The following DDX17 variants were observed in gnomAD, a reference collection of about 807,000 sequenced individuals.
DDX17 encodes the protein probable ATP-dependent RNA helicase DDX17.
Under a neutral mutation model 80.8 loss-of-function variants are expected in DDX17, and 10 were observed. The observed-to-expected ratio is 0.12, with a 90% CI of 0.08 to 0.21. The LOEUF is 0.21. DDX17 is among the 10% of genes least tolerant of loss of function. The probability of loss-of-function intolerance (pLI) is 1.00; values close to 1 mark genes in which losing one functional copy is unlikely to be tolerated. For missense variants in DDX17, 586 were observed against 957.4 expected, an observed-to-expected ratio of 0.61 and a Z score of 5.12; for synonymous variants, 339 against 336.2, an observed-to-expected ratio of 1.01 and a Z score of -0.09.
At chr22:38,499,280 A>G in intron 3 of DDX17, 120 bp downstream of exon 3, 1 of 744,416 alleles carries the variant, frequency 1.3e-6, no homozygotes, top group African/African-American at 1.7e-5. Context: ...ATGACCATAA[A>G]AACAATCTCT....
rs1216059272 is a variant in DDX17 at position 38,494,402 on chromosome 22, T to C, written c.1214+228A>G. 4.8e-6 allele frequency: 3 copies of C among 618,828 alleles called. No individual in the cohort carries two copies. In the African/African-American group the frequency reaches 5.6e-5, roughly 11 times the overall value. 38.3% of individuals were successfully genotyped at this position (618,828 alleles called of 1,614,324 possible). Reference sequence around the variant, plus strand: ...ACCAAGACACAAAATTGTGCAAAATTATACAGCTTGTAATCAGCAGAGCTA... The same window carrying C: ...ACCAAGACACAAAATTGTGCAAAATCATACAGCTTGTAATCAGCAGAGCTA... On this transcript the variant is annotated intron_variant, in intron 8 of 12. Coordinates refer to ENST00000403230, the MANE Select transcript of DDX17 (RefSeq NM_006386.5).
chr22:38,494,583 A>G (rs2145697033), intron 8 of DDX17, 47 bp downstream of exon 8: 1 of 1,581,478 alleles, frequency 6.3e-7, no homozygotes, highest in Non-Finnish European at 8.7e-7. Flanking sequence ...GGGTTATTAG[A>G]AAAGGTTTAT....
chr22:38,495,932 T>C lies in DDX17; in HGVS notation c.744A>G (p.Leu248=), dbSNP rs777158674. 3 of 1,542,388 alleles carry C rather than the reference T, an allele frequency of 1.9e-6. No homozygotes were observed. Among genetic ancestry groups the C allele is most frequent in the African/African-American group, 3.0e-5 (2 of 65,776 alleles). ...CAAGCTCTCTGGTAGGAGCCAGAACTAGACACTGAAACCAACAAAAAGACA... is the reference window on the plus strand; with the variant it reads ...CAAGCTCTCTGGTAGGAGCCAGAACCAGACACTGAAACCAACAAAAAGACA... The change falls in exon 6 of 13, where the codon CTA becomes CTG. Residue 248 remains leucine (L), a synonymous_variant. Transcript: ENST00000403230.
chr22:38,498,774 C>T (rs987130770), intron 3 of DDX17, among the ~76,000 whole-genome samples: 1 of 152,180 alleles, frequency 6.6e-6, no homozygotes, highest in African/African-American at 2.4e-5. Context: ...CCTGTAATCC[C>T]ATCACTTTGG....
rs2089883988 is a variant in DDX17, at chr22:38,506,288, T to C, written c.-51A>G. ...TGCCGCGGTTTAGGCGTCTCCTTCC[T>C]TCCCAGCGACTGCACAAAATGGCGG... On this transcript the variant is annotated 5_prime_UTR_variant, in exon 1 of 13. Coordinates refer to ENST00000403230, the MANE Select transcript of DDX17 (RefSeq NM_006386.5). 6.6e-7 allele frequency: 1 copy of C among 1,510,240 alleles called. No homozygotes were observed. The highest frequency in any genetic ancestry group is 1.7e-4 in the Middle Eastern group (1 of 5,740). The allele number at this position is 1,510,240 out of a possible 1,614,324, so 93.6% of individuals were successfully genotyped here. A position where few individuals can be genotyped will look rare whatever the true frequency, so the allele number is the denominator to read the frequency against.
chr22:38,493,931 T>C (rs2089736847), intron 9 of DDX17, 90 bp downstream of exon 9: 4 of 1,240,550 alleles, frequency 3.2e-6, no homozygotes, highest in African/African-American at 1.5e-5. Context: ...ATAGGCATTA[T>C]TGAAATATTA....
At chr22:38,488,539 G>A in intron 11 of DDX17, 1 of 1,002,760 alleles carries the variant, frequency 1.0e-6, no homozygotes, top group Non-Finnish European at 1.2e-6. Flanking sequence ...TCTGTTGGGA[G>A]AAGCCTGGCA....
chr22:38,483,602 T>G lies in DDX17; in HGVS notation c.*2333A>C, dbSNP rs2089623272. The G allele has an allele frequency of 6.6e-6, 1 of 152,230 alleles. No individual in the cohort carries two copies. The highest frequency in any genetic ancestry group is 2.4e-5 in the African/African-American group (1 of 41,238). 9.4% of individuals were successfully genotyped at this position (152,230 alleles called of 1,614,324 possible). On this transcript the variant is annotated 3_prime_UTR_variant, in exon 13 of 13. Transcript: ENST00000403230. ...AGTCTTAATGCAACAGGAATGTGTC[T>G]GGAGACCAGCAAGAACATCAATAGA...
At chr22:38,499,809 C>G (rs2089809130) in intron 2 of DDX17, among the ~76,000 whole-genome samples, 1 of 152,138 alleles carries the variant, frequency 6.6e-6, no homozygotes. Context: ...ATTACACTTT[C>G]TTCTGAAAGA....
chr22:38,501,898 G>A (rs1304367418), intron 1 of DDX17, among the ~76,000 whole-genome samples: 4 of 152,180 alleles, frequency 2.6e-5, no homozygotes, highest in Admixed American at 2.0e-4. Context: ...CAGACATGCA[G>A]GCAAAGGATG....
chr22:38,504,987 C>A (rs1056810224), intron 1 of DDX17, among the ~76,000 whole-genome samples: 2 of 152,220 alleles, frequency 1.3e-5, no homozygotes, highest in African/African-American at 2.4e-5. Flanking sequence ...CGGCTCACTG[C>A]AACCTCCTCC....
Position 38,493,413 on chromosome 22 carries a change from C to T in DDX17, c.1387+297G>A, listed in dbSNP as rs1463408146. 2 of 280,136 alleles carry T rather than the reference C, an allele frequency of 7.1e-6. 1 individual carries two copies. The highest frequency in any genetic ancestry group is 1.3e-5 in the Non-Finnish European group (2 of 149,458). The allele number at this position is 280,136 out of a possible 1,614,324, so 17.4% of individuals were successfully genotyped here. On this transcript the variant is annotated intron_variant, in intron 10 of 12. Transcript: ENST00000403230. ...TGTTGCCCAGACCGGTCTTGAACTC[C>T]TGGGCCTAGGTGATCCACGCGCCTC...
rs745873535 is a variant in DDX17 at position 38,486,134 on chromosome 22, C to A, written c.1991G>T (p.Ser664Ile). 1.2e-6 allele frequency: 2 copies of A among 1,614,186 alleles called. No individual in the cohort carries two copies. The highest frequency in any genetic ancestry group is 3.3e-5 in the Admixed American group (2 of 60,018). ...TGAACTTCTCCCAGTTGAGGTGGTG[C>A]TACTAGCTCCATAAGTGCCAGCACC... The change falls in exon 13 of 13, where the codon AGC becomes ATC. Residue 664 changes from serine (S) to isoleucine (I), a missense_variant. By Grantham distance (142) the Ser-to-Ile change is moderately radical (BLOSUM62 -2). This residue lies in a region of DDX17 where 221 missense variants were observed against 261.4 expected (regional missense o/e 0.85). Coordinates refer to ENST00000403230, the MANE Select transcript of DDX17 (RefSeq NM_006386.5).
chr22:38,495,593 A>C (rs766305571), intron 6 of DDX17, among the ~76,000 whole-genome samples: 2 of 152,180 alleles, frequency 1.3e-5, no homozygotes, highest in Non-Finnish European at 2.9e-5. Flanking sequence ...GTCAGGACTT[A>C]TGTACAATCA....
In DDX17 at chr22:38,501,263, C is replaced by T; in HGVS notation, c.305G>A (p.Gly102Asp). The T allele has an allele frequency of 1.2e-6, 2 of 1,610,006 alleles. No homozygotes were observed. Among genetic ancestry groups the T allele is most frequent in the Non-Finnish European group, 8.5e-7 (1 of 1,178,440 alleles). ...AAATTTCTTCGGGGGAAGGCCACCA[C>T]CACCTCTTGCTCCAAATCTAGGAAC... The change falls in exon 2 of 13, where the codon GGT (glycine) becomes GAT (aspartate). Residue 102 changes from glycine to aspartate, a missense_variant. By Grantham distance (94) the Gly-to-Asp change is moderately conservative. This residue lies in a region of DDX17 where 215 missense variants were observed against 238.4 expected (regional missense o/e 0.90). Transcript: ENST00000403230.
chr22:38,490,383 A>G, intron 11 of DDX17: 1 of 1,289,460 alleles, frequency 7.8e-7, no homozygotes, highest in Non-Finnish European at 1.0e-6. Context: ...CTTCCGGCCA[A>G]TGTAGATTTG....
At chr22:38,494,434 A>C (rs191004672) in intron 8 of DDX17, 196 bp downstream of exon 8, 5 of 662,040 alleles carry the variant, frequency 7.6e-6, no homozygotes, top group African/African-American at 1.8e-5. Flanking sequence ...GCTAAATTTC[A>C]AACTCAAGAA....
chr22:38,488,324 A>T (rs2089681987), intron 11 of DDX17: 1 of 1,447,850 alleles, frequency 6.9e-7, no homozygotes. Flanking sequence ...TGCATAGGAA[A>T]TAGGATCTTT....
chr22:38,488,393 C>A (rs895719649), intron 11 of DDX17: 2 of 1,312,788 alleles, frequency 1.5e-6, no homozygotes, highest in East Asian at 6.8e-5. Context: ...GCCTCTGCTA[C>A]ATTTTACCAA....
Sources: gnomAD v4.1 joint callset for allele counts (sites outside exome capture counted in the v4.1 genomes callset) on GRCh38, gnomAD v4.1.1 for gene constraint, gnomAD v4.1.1 regional missense constraint, MANE v1.5 for transcripts, NCBI Gene and HGNC (gene_info 2026-07-23, HGNC 2026-07-21) for gene names.